The following SEMA6A variants were observed in gnomAD, a reference collection of about 807,000 sequenced individuals.
The protein encoded by SEMA6A is semaphorin 6A, also known as semaphorin-6A.
In SEMA6A, 25 loss-of-function variants were observed where a neutral mutation model predicts 96.8. The observed-to-expected ratio is 0.26, with a 90% CI of 0.19 to 0.36. The LOEUF (loss-of-function observed/expected upper bound fraction) is 0.36. Among genes scored for constraint, SEMA6A ranks in the 10% least tolerant of loss-of-function variants. SEMA6A has a pLI of 1.00. For missense variants in SEMA6A, 1,363 were observed against 1,323.1 expected (o/e 1.03, Z -0.47); for synonymous variants, 612 against 518.0 (o/e 1.18, Z -2.46).
At chr5:116,524,259 T>C (rs1759104162) in intron 1 of SEMA6A, among the ~76,000 whole-genome samples, 1 of 152,186 alleles carries the variant, frequency 6.6e-6, no homozygotes, top group Admixed American at 6.5e-5. Flanking sequence ...CCCAGCCTTA[T>C]CAAACCCACT....
At chr5:116,573,779 A>T (rs898932590) in intron 1 of SEMA6A, among the ~76,000 whole-genome samples, 25 of 151,860 alleles carry the variant, frequency 1.6e-4, no homozygotes, top group African/African-American at 5.8e-4. Flanking sequence ...CCTGCCTTCG[A>T]CACACCGGGC....
chr5:116,573,019 T>TC (rs1213358100), intron 1 of SEMA6A, among the ~76,000 whole-genome samples: 3 of 151,886 alleles, frequency 2.0e-5, no homozygotes, highest in South Asian at 2.1e-4. Context: ...GCTCCCTGGC[T>TC]CCCCCCGTGC....
intron 1 of SEMA6A, among the ~76,000 whole-genome samples, chr5:116,527,444 T>C (rs1474220914): frequency 1.3e-5 from 2 of 152,222 alleles, no homozygotes; most frequent in African/African-American, 4.8e-5. Flanking sequence ...ATGCGCTTTT[T>C]TCTACTTGCA....
At chr5:116,486,356 C>T (rs1757047822) in intron 10 of SEMA6A, among the ~76,000 whole-genome samples, 1 of 152,154 alleles carries the variant, frequency 6.6e-6, no homozygotes, top group Admixed American at 6.5e-5. Context: ...TCTTGAGTTC[C>T]AAACTGCCTC....
intron 18 of SEMA6A, among the ~76,000 whole-genome samples, chr5:116,465,727 G>A (rs1381963543): frequency 1.3e-5 from 2 of 152,100 alleles, no homozygotes; most frequent in African/African-American, 4.8e-5. Flanking sequence ...GAAAATTCAC[G>A]CTACCCCTCT....
chr5:116,505,632 C>T (rs1045083805), intron 1 of SEMA6A, among the ~76,000 whole-genome samples: 19 of 152,178 alleles, frequency 1.2e-4, no homozygotes, highest in African/African-American at 4.3e-4. Context: ...CAGATCCTTT[C>T]ACACTCTGAA....
chr5:116,495,929 G>A (rs552335394), intron 5 of SEMA6A: 3 of 345,746 alleles, frequency 8.7e-6, no homozygotes, highest in African/African-American at 6.4e-5. Flanking sequence ...CTCTTCCACA[G>A]ACTCCCTGTG....
At chr5:116,448,623 T>C (rs890049503) in intron 18 of SEMA6A, among the ~76,000 whole-genome samples, 10 of 152,104 alleles carry the variant, frequency 6.6e-5, no homozygotes, top group Non-Finnish European at 1.0e-4. Context: ...CACCGGAGCC[T>C]CCGTCTGGGG....
chr5:116,516,001 G>A (rs769693518), intron 1 of SEMA6A, among the ~76,000 whole-genome samples: 7 of 152,162 alleles, frequency 4.6e-5, no homozygotes, highest in Non-Finnish European at 8.8e-5. Flanking sequence ...ACAGTCTCAA[G>A]ATCAGGAAGA....
chr5:116,537,071 A>G (rs1190858719), intron 1 of SEMA6A, among the ~76,000 whole-genome samples: 2 of 152,148 alleles, frequency 1.3e-5, no homozygotes, highest in South Asian at 2.1e-4. Flanking sequence ...TGGAACACCT[A>G]CTTAGCTGGA....
chr5:116,447,403 C>T lies in SEMA6A; in HGVS notation c.2303G>A (p.Arg768Gln), dbSNP rs768161908. ...CTCGCGGCTGCCGCGGCTGGGCTTC[C>T]GCTTCTGCTGCAGCGTTGGGGTTGA... ...PESTPTLQQK[R>Q]KPSRGSREWE... The change falls in exon 19 of 19, where the codon CGG becomes CAG. Residue 768 changes from arginine (R) to glutamine (Q), a missense_variant. Arg to Gln is a conservative substitution (Grantham distance 43). This residue lies in a region of SEMA6A where 883 missense variants were observed against 763.6 expected (regional missense o/e 1.16). Transcript: ENST00000343348. 1.5e-5 allele frequency: 25 copies of T among 1,613,914 alleles called. No individual in the cohort carries two copies. Among genetic ancestry groups the T allele is most frequent in the Non-Finnish European group, 1.9e-5 (23 of 1,179,910 alleles).
chr5:116,466,113 G>C (rs912913120), intron 18 of SEMA6A, among the ~76,000 whole-genome samples: 1 of 147,666 alleles, frequency 6.8e-6, no homozygotes, highest in African/African-American at 2.5e-5. Flanking sequence ...GCTCAAGCCT[G>C]TAATCCCAGC....
intron 1 of SEMA6A, among the ~76,000 whole-genome samples, chr5:116,522,467 T>C (rs551675698): frequency 4.6e-5 from 7 of 152,262 alleles, no homozygotes; most frequent in Non-Finnish European, 8.8e-5. Flanking sequence ...GGCATTGTGG[T>C]GTCAGTAGTG....
chr5:116,491,766 T>A lies in SEMA6A; in HGVS notation c.509A>T (p.Lys170Ile), dbSNP rs1757339368. ...TGCAAACAGTGCAACGTTGGCATGT[T>A]TGGCATCATATGGGCATCTGGCCAT... Reference protein sequence around the residue: ...SGMARCPYDAKHANVALFADG... With the variant: ...SGMARCPYDAIHANVALFADG... The change falls in exon 7 of 19, where the codon AAA becomes ATA. Residue 170 changes from lysine to isoleucine, a missense_variant. Transcript: ENST00000343348. 6.2e-7 allele frequency: 1 copy of A among 1,613,704 alleles called. No individual in the cohort carries two copies. Among genetic ancestry groups the A allele is most frequent in the Non-Finnish European group, 8.5e-7 (1 of 1,179,748 alleles).
At chr5:116,537,517 T>C (rs1759769739) in intron 1 of SEMA6A, among the ~76,000 whole-genome samples, 1 of 152,154 alleles carries the variant, frequency 6.6e-6, no homozygotes, top group Non-Finnish European at 1.5e-5. Flanking sequence ...GGGGTTCAAG[T>C]CCAGGGTTTC....
At chr5:116,533,769 GACAA>G (rs1344147948) in intron 1 of SEMA6A, among the ~76,000 whole-genome samples, 2 of 152,094 alleles carry the variant, frequency 1.3e-5, no homozygotes, top group Non-Finnish European at 2.9e-5. Flanking sequence ...TTTATCAGGG[GACAA>G]ACAAAGGTCC....
At chr5:116,476,774 G>T (rs560110340) in intron 15 of SEMA6A, among the ~76,000 whole-genome samples, 4 of 152,286 alleles carry the variant, frequency 2.6e-5, no homozygotes, top group African/African-American at 9.6e-5. Flanking sequence ...CACCTTGAGG[G>T]TTCCCATGCA....
At chr5:116,492,202 A>T (rs1475520571) in intron 6 of SEMA6A, 2 of 227,188 alleles carry the variant, frequency 8.8e-6, no homozygotes, top group Non-Finnish European at 1.7e-5. Flanking sequence ...ACAGTGATGC[A>T]ACGGAAATGC....
At chr5:116,467,499 A>G in intron 18 of SEMA6A, 84 bp downstream of exon 18, 4 of 1,399,596 alleles carry the variant, frequency 2.9e-6, no homozygotes, top group East Asian at 2.5e-5. Context: ...AATGCTGCCA[A>G]AATTCAGCTG....
Sources: allele counts gnomAD v4.1 joint callset (sites outside exome capture counted in the v4.1 genomes callset), GRCh38; gene constraint gnomAD v4.1.1; regional missense constraint gnomAD v4.1.1; transcripts MANE v1.5; gene names NCBI Gene and HGNC (gene_info 2026-07-23, HGNC 2026-07-21).